Variants in COL21A1 observed in about 807,000 individuals in gnomAD.
COL21A1 encodes the protein collagen type XXI alpha 1 chain, also known as collagen alpha-1(XXI) chain.
A neutral mutation model predicts 137.9 loss-of-function variants in COL21A1; 149 were observed. The observed-to-expected ratio is 1.08, with a 90% CI of 0.95 to 1.24. COL21A1 has a LOEUF of 1.24. COL21A1 is among the 50% of genes most tolerant of loss of function. COL21A1 has a pLI of 0.00. For missense variants in COL21A1, 1,167 were observed against 1,158.4 expected, an observed-to-expected ratio of 1.01 and a Z score of -0.11; for synonymous variants, 456 against 391.5, an observed-to-expected ratio of 1.16 and a Z score of -1.95.
At chr6:56,159,597 T>C (rs983199956) in intron 9 of COL21A1, among the ~76,000 whole-genome samples, 7 of 151,796 alleles carry the variant, frequency 4.6e-5, no homozygotes, top group Admixed American at 4.6e-4. Flanking sequence ...TCCCAAAGTG[T>C]TGGGATTACA....
intron 1 of COL21A1, among the ~76,000 whole-genome samples, chr6:56,340,188 C>T (rs541496437): frequency 7.2e-5 from 11 of 152,190 alleles, no homozygotes; most frequent in Non-Finnish European, 1.3e-4. Context: ...CTCACCCCTC[C>T]CGCTTCAGTG....
At chr6:56,057,910 C>T in intron 29 of COL21A1, 66 bp from the exon 30 acceptor site, 3 of 1,071,366 alleles carry the variant, frequency 2.8e-6, no homozygotes, top group Non-Finnish European at 3.8e-6. Context: ...ATAGCCAATT[C>T]TGCAAGAAAC....
chr6:56,294,425 T>G (rs2152336124), intron 1 of COL21A1, among the ~76,000 whole-genome samples: 1 of 152,270 alleles, frequency 6.6e-6, no homozygotes, highest in Admixed American at 6.5e-5. Context: ...TTTTTGTTTA[T>G]AATGTTAGGC....
chr6:56,216,550 A>C (rs979059937), intron 1 of COL21A1, among the ~76,000 whole-genome samples: 3 of 152,062 alleles, frequency 2.0e-5, no homozygotes, highest in African/African-American at 7.2e-5. Flanking sequence ...TAACCAAATA[A>C]TTCCCATGGG....
chr6:56,178,854 T>G (rs759772446), intron 3 of COL21A1, among the ~76,000 whole-genome samples: 4 of 152,118 alleles, frequency 2.6e-5, no homozygotes, highest in Non-Finnish European at 5.9e-5. Context: ...CTTTTTAAAG[T>G]GCAATTTTAA....
chr6:56,318,557 C>A (rs1440457969), intron 1 of COL21A1, among the ~76,000 whole-genome samples: 1 of 152,070 alleles, frequency 6.6e-6, no homozygotes, highest in African/African-American at 2.4e-5. Context: ...AACTTCCATG[C>A]CCTCCCCTGA....
intron 1 of COL21A1, among the ~76,000 whole-genome samples, chr6:56,246,990 C>A (rs1782688234): frequency 6.6e-6 from 1 of 152,202 alleles, no homozygotes; most frequent in Non-Finnish European, 1.5e-5. Flanking sequence ...GCCCACTCAA[C>A]ACAGCCCCAG....
Position 56,058,427 on chromosome 6 carries a change from C to G in COL21A1, c.2687-583G>C, listed in dbSNP as rs145720945. 3.0e-3 allele frequency among the ~76,000 whole-genome samples: 460 copies of G among 152,182 alleles called. 4 individuals are homozygous for G. Among genetic ancestry groups the G allele is most frequent in the South Asian group, 0.016 (77 of 4,822 alleles). On this transcript the variant is annotated intron_variant, in intron 29 of 29. Coordinates refer to ENST00000244728, the MANE Select transcript of COL21A1 (RefSeq NM_030820.4). ...CTCAAGGAAACAAAAGCTAGCTTAC[C>G]ATACTGGCCTTTTAAAGTTGATTCA...
At chr6:56,345,274 G>A (rs539973870) in intron 1 of COL21A1, among the ~76,000 whole-genome samples, 2 of 152,198 alleles carry the variant, frequency 1.3e-5, no homozygotes, top group Non-Finnish European at 2.9e-5. Flanking sequence ...GAAATAAGGT[G>A]CATGACTGCT....
intron 1 of COL21A1, among the ~76,000 whole-genome samples, chr6:56,263,242 T>C (rs1001644623): frequency 2.0e-5 from 3 of 152,226 alleles, no homozygotes. Flanking sequence ...ATCAGTGGTA[T>C]TTCATAAAGG....
chr6:56,291,365 A>C (rs923172305), intron 1 of COL21A1, among the ~76,000 whole-genome samples: 1 of 152,202 alleles, frequency 6.6e-6, no homozygotes, highest in Admixed American at 6.5e-5. Context: ...TGGAAAAAAA[A>C]CTGCAAACTG....
chr6:56,167,827 C>G (rs1386600087), intron 6 of COL21A1, among the ~76,000 whole-genome samples: 1 of 152,140 alleles, frequency 6.6e-6, no homozygotes, highest in African/African-American at 2.4e-5. Flanking sequence ...AAATTTATTA[C>G]TTAAACTATG....
At chr6:56,060,297 T>C (rs2114028551) in intron 27 of COL21A1, 79 bp from the exon 28 acceptor site, 2 of 1,237,934 alleles carry the variant, frequency 1.6e-6, no homozygotes, top group South Asian at 3.0e-5. Context: ...TTTTTTCAGT[T>C]TACAGAGAAA....
intron 1 of COL21A1, among the ~76,000 whole-genome samples, chr6:56,199,795 A>G (rs1296284063): frequency 6.6e-6 from 1 of 152,142 alleles, no homozygotes; most frequent in Admixed American, 6.6e-5. Flanking sequence ...TCATTCAACG[A>G]CAAACATTTA....
intron 1 of COL21A1, among the ~76,000 whole-genome samples, chr6:56,255,310 T>C (rs1484658714): frequency 1.3e-5 from 2 of 150,464 alleles, no homozygotes; most frequent in African/African-American, 4.9e-5. Context: ...CCTAACCTTC[T>C]AGAGTGATCA....
At chr6:56,173,098 G>A (rs953095745) in intron 3 of COL21A1, among the ~76,000 whole-genome samples, 1 of 152,132 alleles carries the variant, frequency 6.6e-6, no homozygotes, top group Non-Finnish European at 1.5e-5. Context: ...AAAGTACATA[G>A]AGAGACTGAA....
intron 1 of COL21A1, among the ~76,000 whole-genome samples, chr6:56,263,163 C>T (rs1418373527): frequency 6.6e-6 from 1 of 152,144 alleles, no homozygotes; most frequent in African/African-American, 2.4e-5. Flanking sequence ...CAGAGTCTAA[C>T]GCATAGTATG....
At chr6:56,264,466 T>C (rs2152331307) in intron 1 of COL21A1, among the ~76,000 whole-genome samples, 1 of 152,272 alleles carries the variant, frequency 6.6e-6, no homozygotes, top group East Asian at 1.9e-4. Flanking sequence ...AACAATTAAA[T>C]GTCAGAATCC....
intron 1 of COL21A1, among the ~76,000 whole-genome samples, chr6:56,357,954 C>T (rs955290132): frequency 2.0e-5 from 3 of 152,266 alleles, no homozygotes; most frequent in Admixed American, 2.0e-4. Context: ...ATGCAAAAAA[C>T]GTTTAGAAAT....
Sources: gnomAD v4.1 joint callset for allele counts (sites outside exome capture counted in the v4.1 genomes callset) on GRCh38, gnomAD v4.1.1 for gene constraint, MANE v1.5 for transcripts, NCBI Gene and HGNC (gene_info 2026-07-23, HGNC 2026-07-21) for gene names.